SDK1: variants seen among roughly 807,000 people sequenced by gnomAD.
The protein encoded by SDK1 is sidekick cell adhesion molecule 1.
A neutral mutation model predicts 245.5 loss-of-function variants in SDK1; 157 were observed. The ratio of observed to expected loss-of-function variants is 0.64; its 90% CI spans 0.56 to 0.73. The LOEUF is 0.73. Among genes scored for constraint, SDK1 ranks in the 30% least tolerant of loss-of-function variants. The pLI is 0.00. For synonymous variants in SDK1, 1,647 were observed against 1,278.5 expected, an observed-to-expected ratio of 1.29 and a Z score of -6.15; for missense variants, 3,583 against 3,002.3, an observed-to-expected ratio of 1.19 and a Z score of -4.52.
At chr7:4,012,257 A>G (rs1045059244) in intron 16 of SDK1, 22 bp downstream of exon 16, 12 of 1,462,976 alleles carry the variant, frequency 8.2e-6, no homozygotes, top group African/African-American at 5.8e-5. Context: ...GTGATTGGCC[A>G]TCTTTAGGCC....
chr7:3,782,173 C>T (rs754502096), intron 4 of SDK1, among the ~76,000 whole-genome samples: 3 of 152,182 alleles, frequency 2.0e-5, no homozygotes, highest in Non-Finnish European at 4.4e-5. Flanking sequence ...CCAGCATGTG[C>T]TTCTGGTGAG....
intron 1 of SDK1, among the ~76,000 whole-genome samples, chr7:3,449,407 G>A (rs571247465): frequency 6.6e-6 from 1 of 151,324 alleles, no homozygotes; most frequent in African/African-American, 2.4e-5. Context: ...ATTGGATTTA[G>A]CTGCCATTAT....
At chr7:3,434,030 T>C (rs566157697) in intron 1 of SDK1, among the ~76,000 whole-genome samples, 1 of 152,334 alleles carries the variant, frequency 6.6e-6, no homozygotes, top group South Asian at 2.1e-4. Flanking sequence ...TTTAAAGTAG[T>C]GTTCCATTTG....
At chr7:3,702,097 T>C (rs1784757684) in intron 4 of SDK1, among the ~76,000 whole-genome samples, 1 of 152,176 alleles carries the variant, frequency 6.6e-6, no homozygotes, top group South Asian at 2.1e-4. Flanking sequence ...TTCTTAGACA[T>C]GACACCAGAG....
chr7:3,979,319 T>C (rs575721641), intron 13 of SDK1, among the ~76,000 whole-genome samples: 1 of 152,300 alleles, frequency 6.6e-6, no homozygotes, highest in South Asian at 2.1e-4. Context: ...TACCATCTTA[T>C]ACTAGAATGC....
intron 5 of SDK1, among the ~76,000 whole-genome samples, chr7:3,895,543 G>A (rs773409271): frequency 6.6e-6 from 1 of 152,144 alleles, no homozygotes; most frequent in African/African-American, 2.4e-5. Flanking sequence ...TAGCCATCTC[G>A]TGACCACGAA....
At chr7:3,654,837 A>G (rs1783113144) in intron 4 of SDK1, among the ~76,000 whole-genome samples, 1 of 152,212 alleles carries the variant, frequency 6.6e-6, no homozygotes, top group African/African-American at 2.4e-5. Flanking sequence ...TGGAAATAAA[A>G]TACTTCATTT....
chr7:3,786,369 T>C (rs1419239066), intron 4 of SDK1, among the ~76,000 whole-genome samples: 4 of 152,204 alleles, frequency 2.6e-5, no homozygotes, highest in African/African-American at 7.2e-5. Flanking sequence ...TTAATTGAAA[T>C]AGACTTCCTA....
At chr7:3,962,526 G>T in intron 8 of SDK1, 131 bp from the exon 9 acceptor site, 5 of 747,944 alleles carry the variant, frequency 6.7e-6, no homozygotes, top group Admixed American at 3.0e-5. Flanking sequence ...TCCTTATAGG[G>T]TGGTTGAAAG....
chr7:3,926,730 C>T (rs375938903), intron 5 of SDK1, among the ~76,000 whole-genome samples: 19 of 152,346 alleles, frequency 1.2e-4, no homozygotes, highest in African/African-American at 4.6e-4. Flanking sequence ...ATACCAGCCA[C>T]CACTTTCTAC....
In SDK1 at chr7:4,139,739, G is replaced by GTGTA. The variant is rs1562873099; in HGVS notation, c.4229-5980_4229-5979insATGT. 1.6e-3 allele frequency among the ~76,000 whole-genome samples: 233 copies of GTGTA among 146,624 alleles called. 4 individuals carry two copies. The highest frequency in any genetic ancestry group is 5.7e-3 in the African/African-American group (226 of 39,412). On this transcript the variant is annotated intron_variant, in intron 28 of 44. Coordinates refer to ENST00000404826, the MANE Select transcript of SDK1 (RefSeq NM_152744.4). ...TGTGTGTATGTGTGTGTGTGTGTAT[G>GTGTA]TGTGTGTGTGTGTGTGTGTATAATC... is the stretch of plus-strand genomic sequence containing the variant.
rs1783396861 is a variant in SDK1, at chr7:4,194,060, A to G, written c.5099-11819A>G. On this transcript the variant is annotated intron_variant, in intron 35 of 44. Transcript: ENST00000404826. Reference sequence around the variant, plus strand: ...CCTTAGCATTTTTGGATCTAATCATATTAAGCAGCCAACTCCGGAAACCGC... The same window carrying G: ...CCTTAGCATTTTTGGATCTAATCATGTTAAGCAGCCAACTCCGGAAACCGC... Among the ~76,000 whole-genome samples, 3 of 152,158 alleles carry G rather than the reference A, an allele frequency of 2.0e-5. No homozygotes were observed. The South Asian group carries it at 6.2e-4, about 31-fold the overall frequency.
chr7:3,853,619 C>A (rs1226848399), intron 5 of SDK1, among the ~76,000 whole-genome samples: 1 of 152,056 alleles, frequency 6.6e-6, no homozygotes, highest in African/African-American at 2.4e-5. Context: ...TTGAGCACCC[C>A]TAATCTGGAA....
intron 1 of SDK1, among the ~76,000 whole-genome samples, chr7:3,303,807 A>G (rs961267057): frequency 3.0e-4 from 45 of 152,226 alleles, no homozygotes; most frequent in African/African-American, 9.6e-4. Context: ...ACCATTTGAC[A>G]AAAGCTCATG....
rs1230816559 is a variant in SDK1 at position 3,580,599 on chromosome 7, G to A, written c.299-38481G>A. 2.0e-5 allele frequency among the ~76,000 whole-genome samples: 3 copies of A among 151,990 alleles called. No homozygotes were observed. The South Asian group carries it at 6.2e-4, about 32-fold the overall frequency. Reference sequence around the variant, plus strand: ...GATAACTGACTAGGCATATGCAGGGGATTTTTTTACACCATGTAAAAAAAT... The same window carrying A: ...GATAACTGACTAGGCATATGCAGGGAATTTTTTTACACCATGTAAAAAAAT... On this transcript the variant is annotated intron_variant, in intron 1 of 44. Coordinates refer to ENST00000404826, the MANE Select transcript of SDK1 (RefSeq NM_152744.4).
intron 4 of SDK1, among the ~76,000 whole-genome samples, chr7:3,750,104 AATGTTTCACT>A (rs1779732860): frequency 1.3e-5 from 2 of 152,328 alleles, no homozygotes; most frequent in Admixed American, 6.5e-5. Context: ...ATTGGCAAAA[AATGTTTCACT>A]CTGAATGTTT....
chr7:3,969,833 C>G (rs895740501), intron 11 of SDK1, among the ~76,000 whole-genome samples: 1 of 152,254 alleles, frequency 6.6e-6, no homozygotes, highest in South Asian at 2.1e-4. Context: ...AATACACTAA[C>G]CATCAATGTT....
At chr7:3,998,272 C>T (rs1040894516) in intron 14 of SDK1, among the ~76,000 whole-genome samples, 18 of 152,242 alleles carry the variant, frequency 1.2e-4, no homozygotes, top group Admixed American at 6.5e-4. Flanking sequence ...CAAGCGGCCC[C>T]GGCAGCACCT....
intron 44 of SDK1, among the ~76,000 whole-genome samples, chr7:4,252,480 CA>C (rs1001446919): frequency 6.6e-6 from 1 of 152,026 alleles, no homozygotes; most frequent in Non-Finnish European, 1.5e-5. Flanking sequence ...GGGTTGGTTC[CA>C]AGTCTTTGCT....
Sources: allele counts gnomAD v4.1 joint callset (sites outside exome capture counted in the v4.1 genomes callset), GRCh38; gene constraint gnomAD v4.1.1; transcripts MANE v1.5; gene names NCBI Gene and HGNC (gene_info 2026-07-23, HGNC 2026-07-21).